The following HOMER2 variants were observed in gnomAD, a reference collection of about 807,000 sequenced individuals.
HOMER2 encodes the protein homer scaffold protein 2.
A neutral mutation model predicts 47.0 loss-of-function variants in HOMER2; 27 were observed. That is an observed-to-expected ratio of 0.57 (90% CI 0.42 to 0.79). The LOEUF is 0.79. HOMER2 is among the 30% of genes least tolerant of loss of function. The pLI, the probability that HOMER2 is intolerant of heterozygous loss-of-function variation, is 0.00. For missense variants in HOMER2, 443 were observed against 435.0 expected (o/e 1.02, Z -0.16); for synonymous variants, 161 against 163.8 (o/e 0.98, Z 0.13).
At position 82,904,181 on chromosome 15, in the gene HOMER2, C is replaced by T. The variant is rs536058151; in HGVS notation, c.6-11340G>A. Among the ~76,000 whole-genome samples the T allele has an allele frequency of 3.9e-5, 6 of 152,262 alleles. No homozygotes were observed. The South Asian group carries it at 8.3e-4, about 21-fold the overall frequency. ...CGGAAAAATCAACACCTCTTCTCCG[C>T]TCTGTCACAGAAGTGAGGTCACAGG... On this transcript the variant is annotated intron_variant, in intron 1 of 8. Transcript: ENST00000450735.
At chr15:82,929,432 G>C (rs1394939572) in intron 1 of HOMER2, among the ~76,000 whole-genome samples, 1 of 151,966 alleles carries the variant, frequency 6.6e-6, no homozygotes, top group Non-Finnish European at 1.5e-5. Context: ...AAGGCGGGTG[G>C]AACACCTGAG....
chr15:82,868,443 T>C (rs1030992038), intron 3 of HOMER2, among the ~76,000 whole-genome samples: 12 of 147,334 alleles, frequency 8.1e-5, no homozygotes, highest in Non-Finnish European at 1.8e-4. Flanking sequence ...GGGTGGAGGG[T>C]AGGAGGAGGG....
intron 1 of HOMER2, 118 bp downstream of exon 1, chr15:82,952,413 C>T: frequency 2.7e-6 from 2 of 728,272 alleles, no homozygotes; most frequent in Non-Finnish European, 3.7e-6. Context: ...TGCGCTCGCT[C>T]CGGCTTGGGG....
chr15:82,892,660 T>C lies in HOMER2; in HGVS notation c.162+25A>G, dbSNP rs747577206. 2.0e-6 allele frequency: 3 copies of C among 1,474,818 alleles called. No homozygotes were observed. The African/African-American group carries it at 4.1e-5, about 20-fold the overall frequency. The allele number at this position is 1,474,818 out of a possible 1,614,324, so 91.4% of individuals were successfully genotyped here. On this transcript the variant is annotated intron_variant, in intron 2 of 8. Transcript: ENST00000450735. ...GATGAAAGATAAGCAACTGGGAGTATTAAAATCAGCTGAGGGGGTGGTACC... is the reference window on the plus strand; with the variant it reads ...GATGAAAGATAAGCAACTGGGAGTACTAAAATCAGCTGAGGGGGTGGTACC...
exon 2 of HOMER2, chr15:82,839,869 A>G (rs913022696): frequency 6.6e-6 from 1 of 152,200 alleles, no homozygotes; most frequent in Non-Finnish European, 1.5e-5. Context: ...ATATGTATTA[A>G]AACTAAAAAT....
chr15:82,956,913 C>T (rs1214758771), upstream of HOMER2, among the ~76,000 whole-genome samples: 1 of 152,154 alleles, frequency 6.6e-6, no homozygotes, highest in African/African-American at 2.4e-5. Context: ...TGACCACGGG[C>T]AAGTTTTTAA....
At position 82,943,716 on chromosome 15, in the gene HOMER2, T is replaced by C. The variant is rs562841726; in HGVS notation, c.5+8815A>G. Among the ~76,000 whole-genome samples the C allele has an allele frequency of 3.9e-5, 6 of 152,324 alleles. No individual in the cohort carries two copies. In the East Asian group the frequency reaches 1.2e-3, roughly 29 times the overall value. ...CCACCCCATAACCCACAGACAAGAT[T>C]ACCCGCAGAACAAAAGGAGGACTAA... On this transcript the variant is annotated intron_variant, in intron 1 of 8. Coordinates refer to ENST00000450735, the MANE Select transcript of HOMER2 (RefSeq NM_004839.4).
rs2052754831 is a variant in HOMER2, at chr15:82,892,728, A to C, written c.119T>G (p.Val40Gly). 1 of 1,602,788 alleles carries C rather than the reference A, an allele frequency of 6.2e-7. No homozygotes were observed. The highest frequency in any genetic ancestry group is 1.7e-5 in the Admixed American group (1 of 59,866). Residue 40 changes from valine to glycine, a missense_variant, in exon 2 of 9, where the codon GTC becomes GGC. By Grantham distance (109) the Val-to-Gly change is moderately radical. Transcript: ENST00000450735. Reference protein sequence around the residue: ...QAVTVSYFYDVTRNSYRIISV... With the variant: ...QAVTVSYFYDGTRNSYRIISV... ...GATGATCCGATAGCTGTTCCTTGTG[A>C]CATCATAGAAGTAGGAAACGGTGAC...
intron 3 of HOMER2, among the ~76,000 whole-genome samples, chr15:82,871,752 T>C (rs943155758): frequency 6.6e-6 from 1 of 152,172 alleles, no homozygotes; most frequent in Non-Finnish European, 1.5e-5. Flanking sequence ...AAAAATTAGA[T>C]GTGGCCATCC....
Position 82,859,031 on chromosome 15 carries a change from C to G in HOMER2, c.492G>C (p.Gln164His), listed in dbSNP as rs2051684475. The G allele has an allele frequency of 6.2e-7, 1 of 1,613,752 alleles. No individual in the cohort carries two copies. The highest frequency in any genetic ancestry group is 1.7e-5 in the Admixed American group (1 of 59,990). The change falls in exon 5 of 9, where the codon CAG becomes CAC. Residue 164 changes from glutamine to histidine, a missense_variant and splice_region_variant. Transcript: ENST00000450735. ...ENDKLKIALTQSAANVKKWEI... is the reference protein window; with the variant it reads ...ENDKLKIALTHSAANVKKWEI... The stretch of plus-strand genomic sequence containing the variant: ...TCTGGACTTTAAAACAGCCTTACCT[C>G]TGCGTCAAGGCAATCTTCAGCTTGT...
At chr15:82,875,476 C>T (rs1326426971) in intron 2 of HOMER2, 72 bp from the exon 3 acceptor site, 6 of 1,526,992 alleles carry the variant, frequency 3.9e-6, no homozygotes, top group Non-Finnish European at 4.5e-6. Flanking sequence ...AGAAAGTCTT[C>T]TATTGGCAAA....
chr15:82,952,946 C>G (rs1398336952), upstream of HOMER2, among the ~76,000 whole-genome samples: 1 of 152,134 alleles, frequency 6.6e-6, no homozygotes, highest in Non-Finnish European at 1.5e-5. Context: ...TTGGCGCGCC[C>G]CCGCCCCACG....
rs1176830763 is a variant in HOMER2, at chr15:82,849,677, C to T, written c.*38G>A. 1.3e-6 allele frequency: 2 copies of T among 1,584,838 alleles called. No homozygotes were observed. Among genetic ancestry groups the T allele is most frequent in the African/African-American group, 2.7e-5 (2 of 74,330 alleles). On this transcript the variant is annotated 3_prime_UTR_variant, in exon 9 of 9. Coordinates refer to ENST00000450735, the MANE Select transcript of HOMER2 (RefSeq NM_004839.4). ...AGAGCTATCTGGTCTCGCACACACG[C>T]TTGGGACTCACGGGCGGGGCCTGGG... is the stretch of plus-strand genomic sequence containing the variant.
upstream of HOMER2, among the ~76,000 whole-genome samples, chr15:82,953,894 A>T (rs12102013): frequency 0.098 from 14,880 of 151,978 alleles, 916 homozygotes; most frequent in African/African-American, 0.17. Context: ...AAAAATAAAT[A>T]AATTAATTAA....
intron 1 of HOMER2, among the ~76,000 whole-genome samples, chr15:82,964,595 G>A (rs1293686055): frequency 6.6e-6 from 1 of 152,114 alleles, no homozygotes; most frequent in East Asian, 1.9e-4. Context: ...GTAAAACCCC[G>A]TGTCTACTAA....
At chr15:82,902,628 T>C (rs2053157725) in intron 1 of HOMER2, among the ~76,000 whole-genome samples, 1 of 152,210 alleles carries the variant, frequency 6.6e-6, no homozygotes, top group African/African-American at 2.4e-5. Flanking sequence ...CCTTTTGCTA[T>C]AACACATCTG....
intron 4 of HOMER2, among the ~76,000 whole-genome samples, chr15:82,861,577 T>C (rs2051791233): frequency 6.6e-6 from 1 of 152,226 alleles, no homozygotes; most frequent in Admixed American, 6.5e-5. Flanking sequence ...GCATTTATAG[T>C]CACAAAACAG....
intron 2 of HOMER2, among the ~76,000 whole-genome samples, chr15:82,890,371 T>C (rs1022566074): frequency 2.0e-5 from 3 of 152,046 alleles, no homozygotes; most frequent in Non-Finnish European, 4.4e-5. Flanking sequence ...AAAAACCAGG[T>C]GGCTGGGCAC....
At chr15:82,912,833 C>A (rs1372920609) in intron 1 of HOMER2, among the ~76,000 whole-genome samples, 2 of 152,206 alleles carry the variant, frequency 1.3e-5, no homozygotes, top group African/African-American at 2.4e-5. Flanking sequence ...TCTAAAGGAA[C>A]AACCGTGTAC....
Sources: gnomAD v4.1 joint callset for allele counts (sites outside exome capture counted in the v4.1 genomes callset) on GRCh38, gnomAD v4.1.1 for gene constraint, MANE v1.5 for transcripts, NCBI Gene and HGNC (gene_info 2026-07-23, HGNC 2026-07-21) for gene names.